SLC25A48: variants seen among roughly 807,000 people sequenced by gnomAD.
SLC25A48 encodes the protein solute carrier family 25 member 48.
SLC25A48 carries 29 observed loss-of-function variants against 32.2 expected under a neutral mutation model. The observed-to-expected ratio is 0.90, with a 90% CI of 0.67 to 1.23. The LOEUF is 1.23. Among genes scored for constraint, SLC25A48 ranks in the 50% most tolerant of loss-of-function variants. SLC25A48 has a pLI of 0.00. For missense variants in SLC25A48, 399 were observed against 422.7 expected (o/e 0.94, Z 0.49); for synonymous variants, 164 against 172.3 (o/e 0.95, Z 0.38).
At chr5:135,674,380 C>T (rs556976623) in intron 3 of SLC25A48, among the ~76,000 whole-genome samples, 30 of 151,996 alleles carry the variant, frequency 2.0e-4, no homozygotes, top group Non-Finnish European at 3.1e-4. Flanking sequence ...CTTCTTCTAT[C>T]TAACTAACTA....
intron 3 of SLC25A48, among the ~76,000 whole-genome samples, chr5:135,682,588 T>G (rs962258896): frequency 2.0e-5 from 3 of 152,226 alleles, no homozygotes; most frequent in Non-Finnish European, 4.4e-5. Flanking sequence ...CACAATACTT[T>G]GGCTATGTGC....
chr5:135,723,119 T>C (rs1755000112), intron 3 of SLC25A48, among the ~76,000 whole-genome samples: 1 of 152,128 alleles, frequency 6.6e-6, no homozygotes, highest in South Asian at 2.1e-4. Context: ...GCTCAAAGCT[T>C]CCTGACACAA....
intron 3 of SLC25A48, among the ~76,000 whole-genome samples, chr5:135,715,654 C>T (rs934291177): frequency 1.3e-5 from 2 of 152,214 alleles, no homozygotes; most frequent in African/African-American, 4.8e-5. Flanking sequence ...AGAGTGTTGG[C>T]ATGCCAAAGG....
intron 1 of SLC25A48, among the ~76,000 whole-genome samples, chr5:135,582,112 A>G (rs1377031977): frequency 1.3e-5 from 2 of 152,250 alleles, no homozygotes; most frequent in Admixed American, 1.3e-4. Context: ...CAGAAGAGGT[A>G]GACGTGAAGT....
intron 3 of SLC25A48, among the ~76,000 whole-genome samples, chr5:135,680,846 T>A (rs1398808412): frequency 1.3e-5 from 2 of 152,214 alleles, no homozygotes; most frequent in African/African-American, 4.8e-5. Context: ...CTTTAAGCAA[T>A]TTTTTGTCCA....
chr5:135,785,976 G>T (rs549462641), intron 3 of SLC25A48, among the ~76,000 whole-genome samples: 1 of 151,074 alleles, frequency 6.6e-6, no homozygotes, highest in Non-Finnish European at 1.5e-5. Flanking sequence ...CCCATGGGGC[G>T]GGGGTTGAAA....
rs565070959 is a variant in SLC25A48, at chr5:135,816,794, T to A, written c.-117+3868T>A. On this transcript the variant is annotated intron_variant, in intron 4 of 10. Transcript: ENST00000646290. Reference sequence around the variant, plus strand: ...ATGGAAAACAGAAAACACAGGACAATGATCCAAAGAGAAAGAGAACAAATG... The same window carrying A: ...ATGGAAAACAGAAAACACAGGACAAAGATCCAAAGAGAAAGAGAACAAATG... Among the ~76,000 whole-genome samples, 4 of 152,182 alleles carry A rather than the reference T, an allele frequency of 2.6e-5. No homozygotes were observed. The South Asian group carries it at 8.3e-4, about 32-fold the overall frequency.
At chr5:135,785,652 G>A (rs573018792) in intron 3 of SLC25A48, among the ~76,000 whole-genome samples, 1 of 149,188 alleles carries the variant, frequency 6.7e-6, no homozygotes, top group South Asian at 2.1e-4. Context: ...GGGTGATAAT[G>A]CTCCCCATGG....
At chr5:135,581,062 G>A (rs1228448201) in intron 1 of SLC25A48, among the ~76,000 whole-genome samples, 1 of 152,196 alleles carries the variant, frequency 6.6e-6, no homozygotes, top group African/African-American at 2.4e-5. Flanking sequence ...TTTGGTATTG[G>A]TTTCCTCATC....
chr5:135,845,238 G>A (rs944672092), intron 2 of SLC25A48, among the ~76,000 whole-genome samples: 11 of 152,234 alleles, frequency 7.2e-5, no homozygotes, highest in Non-Finnish European at 1.3e-4. Context: ...GGCCCTGCCT[G>A]TCTTCATATG....
chr5:135,657,615 T>A (rs1465420679), intron 3 of SLC25A48, among the ~76,000 whole-genome samples: 1 of 152,216 alleles, frequency 6.6e-6, no homozygotes, highest in Non-Finnish European at 1.5e-5. Flanking sequence ...GTTCTCTTGA[T>A]CCTCATTTTG....
chr5:135,789,378 C>T (rs1756960783), intron 3 of SLC25A48, among the ~76,000 whole-genome samples: 1 of 150,134 alleles, frequency 6.7e-6, no homozygotes, highest in African/African-American at 2.5e-5. Context: ...TTGTAATATC[C>T]AGTGAAGAGA....
intron 7 of SLC25A48, among the ~76,000 whole-genome samples, chr5:135,882,006 A>AT (rs1210639969): frequency 6.6e-6 from 1 of 152,228 alleles, no homozygotes; most frequent in African/African-American, 2.4e-5. Flanking sequence ...CACCCTGGTG[A>AT]TTAACTGCTT....
chr5:135,882,384 C>T (rs1218916704), intron 7 of SLC25A48, among the ~76,000 whole-genome samples: 1 of 152,160 alleles, frequency 6.6e-6, no homozygotes, highest in East Asian at 1.9e-4. Flanking sequence ...CACACCTACT[C>T]TTTGAATGCC....
At chr5:135,687,017 C>T (rs1754034153) in intron 3 of SLC25A48, among the ~76,000 whole-genome samples, 1 of 151,688 alleles carries the variant, frequency 6.6e-6, no homozygotes, top group African/African-American at 2.4e-5. Flanking sequence ...ACAACCCAGA[C>T]CATGACAATT....
chr5:135,851,132 T>C (rs1031507508), intron 3 of SLC25A48, among the ~76,000 whole-genome samples: 1 of 152,212 alleles, frequency 6.6e-6, no homozygotes, highest in African/African-American at 2.4e-5. Context: ...GTCGCAGCCC[T>C]CTGACTTTTC....
chr5:135,618,407 C>T (rs1047968737), intron 1 of SLC25A48, among the ~76,000 whole-genome samples: 1 of 152,000 alleles, frequency 6.6e-6, no homozygotes, highest in African/African-American at 2.4e-5. Flanking sequence ...AATCTGCTTA[C>T]ATTCAAGGTT....
chr5:135,779,338 A>C (rs566621481), intron 3 of SLC25A48, among the ~76,000 whole-genome samples: 1 of 151,568 alleles, frequency 6.6e-6, no homozygotes, highest in African/African-American at 2.4e-5. Flanking sequence ...GAGGGGAAGG[A>C]TTTTGTTACA....
intron 3 of SLC25A48, among the ~76,000 whole-genome samples, chr5:135,655,687 A>G (rs1414983992): frequency 2.0e-5 from 3 of 152,160 alleles, no homozygotes; most frequent in Admixed American, 6.5e-5. Flanking sequence ...TGTGATTCAT[A>G]AAGTTTGCAT....
Sources: allele counts gnomAD v4.1 joint callset (sites outside exome capture counted in the v4.1 genomes callset), GRCh38; gene constraint gnomAD v4.1.1; transcripts MANE v1.5; gene names NCBI Gene and HGNC (gene_info 2026-07-23, HGNC 2026-07-21).